CD2: variants seen among roughly 807,000 people sequenced by gnomAD.
CD2 encodes T-cell surface antigen CD2.
A neutral mutation model predicts 23.2 loss-of-function variants in CD2; 18 were observed. The observed-to-expected ratio is 0.77, with a 90% CI of 0.54 to 1.15. CD2 has a LOEUF of 1.15. Among genes scored for constraint, CD2 ranks in the 50% most tolerant of loss-of-function variants. The pLI, the probability that CD2 is intolerant of heterozygous loss-of-function variation, is 0.00. For missense variants in CD2, 424 were observed against 423.1 expected (o/e 1.00, Z -0.02); for synonymous variants, 162 against 151.9 (o/e 1.07, Z -0.49).
chr1:116,754,599 G>T (rs1195696713), intron 1 of CD2, 32 bp from the exon 2 acceptor site: 1 of 1,609,224 alleles, frequency 6.2e-7, no homozygotes, highest in African/African-American at 1.3e-5. Context: ...TTCCCTGAAA[G>T]TGACTCTCAG....
At chr1:116,764,328 C>T in intron 3 of CD2, 156 bp from the exon 4 acceptor site, 1 of 764,584 alleles carries the variant, frequency 1.3e-6, no homozygotes, top group South Asian at 5.9e-5. Context: ...CCAGGGTTGA[C>T]ACCACTCACC....
intron 3 of CD2, among the ~76,000 whole-genome samples, chr1:116,761,023 G>C (rs1162404038): frequency 6.6e-6 from 1 of 152,136 alleles, no homozygotes; most frequent in African/African-American, 2.4e-5. Context: ...CCCTAAAGAT[G>C]GTTAGTGGTC....
In CD2 at chr1:116,760,569, T is replaced by G; in HGVS notation, c.550T>G (p.Phe184Val). The stretch of plus-strand genomic sequence containing the variant: ...GTGGACCACCAGCCTGAGTGCAAAA[T>G]TCAAGTGCACAGCAGGGAACAAAGT... ...HKWTTSLSAKFKCTAGNKVSK... is the reference protein window; with the variant it reads ...HKWTTSLSAKVKCTAGNKVSK... Residue 184 changes from phenylalanine to valine, a missense_variant, in exon 3 of 5, where the codon TTC becomes GTC. Physicochemically the swap from Phe to Val is conservative, Grantham distance 50. Transcript: ENST00000369478. The G allele has an allele frequency of 6.2e-7, 1 of 1,614,062 alleles. No homozygotes were observed.
intron 2 of CD2, among the ~76,000 whole-genome samples, chr1:116,758,685 A>G (rs184947280): frequency 5.3e-4 from 80 of 152,270 alleles, no homozygotes; most frequent in African/African-American, 1.8e-3. Flanking sequence ...TGAGCCCTAC[A>G]TGGGGGACCA....
At chr1:116,760,776 A>G in intron 3 of CD2, 144 bp downstream of exon 3, 1 of 670,862 alleles carries the variant, frequency 1.5e-6, no homozygotes, top group Non-Finnish European at 2.6e-6. Flanking sequence ...CCTCCTGGAA[A>G]CCTTCAAGGG....
Position 116,754,836 on chromosome 1 carries a change from T to C in CD2, c.267T>C (p.Asn89=), listed in dbSNP as rs750312290. 9.9e-6 allele frequency: 16 copies of C among 1,612,766 alleles called. No individual in the cohort carries two copies. The African/African-American group carries it at 1.9e-4, about 19-fold the overall frequency. The change falls in exon 2 of 5, where the codon AAT becomes AAC. Residue 89 remains asparagine (N), a synonymous_variant. Coordinates refer to ENST00000369478, the MANE Select transcript of CD2 (RefSeq NM_001767.5). Reference sequence around the variant, plus strand: ...AAGATACATATAAGCTATTTAAAAATGGAACTCTGAAAATTAAGCATCTGA... The same window carrying C: ...AAGATACATATAAGCTATTTAAAAACGGAACTCTGAAAATTAAGCATCTGA... ...KEKDTYKLFK[N]GTLKIKHLKT... is the part of the protein sequence containing the mutation.
In CD2 at chr1:116,768,519, G is replaced by A. The variant is rs1242015724; in HGVS notation, c.792G>A (p.Lys264=). The A allele has an allele frequency of 6.2e-7, 1 of 1,614,134 alleles. No homozygotes were observed. The highest frequency in any genetic ancestry group is 1.1e-5 in the South Asian group (1 of 91,078). ...TAGCTACTGAAGAAAGGGGCCGGAA[G>A]CCCCACCAAATTCCAGCTTCAACCC... is the stretch of plus-strand genomic sequence containing the variant. ...HRVATEERGR[K]PHQIPASTPQ... is the part of the protein sequence containing the mutation. Residue 264 remains lysine (K), a synonymous_variant, in exon 5 of 5, where the codon AAG becomes AAA. Coordinates refer to ENST00000369478, the MANE Select transcript of CD2 (RefSeq NM_001767.5).
In CD2 at chr1:116,754,892, C is replaced by T; in HGVS notation, c.323C>T (p.Ser108Leu). The change falls in exon 2 of 5, where the codon TCA (serine) becomes TTA (leucine). Residue 108 changes from serine to leucine, a missense_variant. Transcript: ENST00000369478. ...GATGATCAGGATATCTACAAGGTAT[C>T]AATATATGATACAAAAGGAAAAAAT... ...KTDDQDIYKVSIYDTKGKNVL... is the reference protein window; with the variant it reads ...KTDDQDIYKVLIYDTKGKNVL... 6.2e-7 allele frequency: 1 copy of T among 1,608,888 alleles called. No homozygotes were observed. Among genetic ancestry groups the T allele is most frequent in the South Asian group, 1.1e-5 (1 of 89,504 alleles).
At chr1:116,758,656 G>A (rs114815268) in intron 2 of CD2, among the ~76,000 whole-genome samples, 4,025 of 152,142 alleles carry the variant, frequency 0.026, 168 homozygotes, top group African/African-American at 0.093. Flanking sequence ...CACAGAACTC[G>A]AGTGTCCTGT....
At chr1:116,760,379 C>T in intron 2 of CD2, 23 bp from the exon 3 acceptor site, 1 of 1,594,750 alleles carries the variant, frequency 6.3e-7, no homozygotes, top group South Asian at 1.1e-5. Flanking sequence ...CTAAATTGAA[C>T]TGAATCTTTA....
rs370570850 is a variant in CD2, at chr1:116,768,674, C to T, written c.947C>T (p.Ser316Leu). ...CCTCAGAAGAGGCCTCCTGCTCCGTCGGGCACACAAGTTCACCAGCAGAAA... is the reference window on the plus strand; with the variant it reads ...CCTCAGAAGAGGCCTCCTGCTCCGTTGGGCACACAAGTTCACCAGCAGAAA... ...HQPQKRPPAP[S>L]GTQVHQQKGP... The change falls in exon 5 of 5, where the codon TCG becomes TTG. Residue 316 changes from serine to leucine, a missense_variant. Ser to Leu is a moderately radical substitution (Grantham distance 145, BLOSUM62 -2). Coordinates refer to ENST00000369478, the MANE Select transcript of CD2 (RefSeq NM_001767.5). 24 of 1,614,124 alleles carry T rather than the reference C, an allele frequency of 1.5e-5. 1 individual carries two copies. Among genetic ancestry groups the T allele is most frequent in the Middle Eastern group, 3.3e-4 (2 of 6,062 alleles).
chr1:116,756,215 A>G (rs1382155095), intron 2 of CD2, among the ~76,000 whole-genome samples: 1 of 152,196 alleles, frequency 6.6e-6, no homozygotes, highest in Non-Finnish European at 1.5e-5. Flanking sequence ...GGCGCTGAAA[A>G]GGGCCTCTGA....
chr1:116,762,991 G>C (rs1652103060), intron 3 of CD2, among the ~76,000 whole-genome samples: 1 of 152,214 alleles, frequency 6.6e-6, no homozygotes, highest in African/African-American at 2.4e-5. Flanking sequence ...AAGCATTTCA[G>C]GCCTGCCCTG....
At chr1:116,768,384 C>A (rs1238926229) in intron 4 of CD2, 80 bp from the exon 5 acceptor site, 9 of 1,346,602 alleles carry the variant, frequency 6.7e-6, no homozygotes, top group African/African-American at 1.5e-5. Flanking sequence ...TAGCATGGCG[C>A]CTTGCATATA....
intron 2 of CD2, among the ~76,000 whole-genome samples, chr1:116,756,122 C>T (rs1476868404): frequency 1.3e-5 from 2 of 152,106 alleles, no homozygotes; most frequent in Non-Finnish European, 2.9e-5. Flanking sequence ...ACTGTCAGCT[C>T]CCCTGAAGTG....
intron 2 of CD2, 179 bp downstream of exon 2, chr1:116,755,130 C>T (rs892503021): frequency 8.2e-6 from 5 of 608,354 alleles, no homozygotes; most frequent in African/African-American, 7.5e-5. Flanking sequence ...ATGGGATCCA[C>T]ACATCTGATA....
Position 116,768,682 on chromosome 1 carries a change from C to G in CD2, c.955C>G (p.Gln319Glu), listed in dbSNP as rs774525354. 4.3e-6 allele frequency: 7 copies of G among 1,614,052 alleles called. No homozygotes were observed. The South Asian group carries it at 7.7e-5, about 18-fold the overall frequency. Residue 319 changes from glutamine (Q) to glutamate (E), a missense_variant, in exon 5 of 5, where the codon CAA becomes GAA. By Grantham distance (29) the Gln-to-Glu change is conservative (BLOSUM62 2). Transcript: ENST00000369478. ...QKRPPAPSGT[Q>E]VHQQKGPPLP... The stretch of plus-strand genomic sequence containing the variant: ...GAGGCCTCCTGCTCCGTCGGGCACA[C>G]AAGTTCACCAGCAGAAAGGCCCGCC...
intron 2 of CD2, among the ~76,000 whole-genome samples, chr1:116,757,752 T>TAGAG (rs369185297): frequency 9.9e-5 from 14 of 140,706 alleles, no homozygotes; most frequent in Admixed American, 3.7e-4. Flanking sequence ...TATATATATA[T>TAGAG]AGAGAGAGAG....
chr1:116,754,964 T>C lies in CD2; in HGVS notation c.382+13T>C, dbSNP rs372210829. 3.0e-4 allele frequency: 469 copies of C among 1,545,974 alleles called. No homozygotes were observed. Among genetic ancestry groups the C allele is most frequent in the Middle Eastern group, 6.6e-4 (3 of 4,518 alleles). On this transcript the variant is annotated intron_variant, in intron 2 of 4. Coordinates refer to ENST00000369478, the MANE Select transcript of CD2 (RefSeq NM_001767.5). Reference sequence around the variant, plus strand: ...TTGAAGATTCAAGGTAAGTGTTCATTCCCTTAATTGCTTTATTTCAGTGTG... The same window carrying C: ...TTGAAGATTCAAGGTAAGTGTTCATCCCCTTAATTGCTTTATTTCAGTGTG...
Sources: gnomAD v4.1 joint callset for allele counts (sites outside exome capture counted in the v4.1 genomes callset) on GRCh38, gnomAD v4.1.1 for gene constraint, MANE v1.5 for transcripts, NCBI Gene and HGNC (gene_info 2026-07-23, HGNC 2026-07-21) for gene names.